Variants in PCDHGB6 observed in about 807,000 individuals in gnomAD.
The protein encoded by PCDHGB6 is protocadherin gamma-B6.
A neutral mutation model predicts 59.1 loss-of-function variants in PCDHGB6; 51 were observed. The observed-to-expected ratio is 0.86, with a 90% CI of 0.69 to 1.09. The LOEUF (loss-of-function observed/expected upper bound fraction) is 1.09. Ranked by LOEUF, PCDHGB6 falls within the 50% of genes least tolerant of loss-of-function variation. PCDHGB6 has a pLI of 0.00. For missense variants in PCDHGB6, 1,148 were observed against 1,205.1 expected (o/e 0.95, Z 0.70); for synonymous variants, 466 against 495.1 (o/e 0.94, Z 0.78).
rs754836894 is a variant in PCDHGB6 at position 141,432,969 on chromosome 5, C to G, written c.2418+22349C>G. ...GGAGGCGGCTTGACAGGAGCGCCGG[C>G]GTCGCACTTTGTGGGCGTGGACGGG... On this transcript the variant is annotated intron_variant, in intron 1 of 3. Coordinates refer to ENST00000520790, the MANE Select transcript of PCDHGB6 (RefSeq NM_018926.3). The surrounding 1 kb of genome is among the most constrained non-coding windows in gnomAD (Gnocchi z 6.0). 5.0e-6 allele frequency: 8 copies of G among 1,614,030 alleles called. No homozygotes were observed. In the Admixed American group the frequency reaches 5.0e-5, roughly 10 times the overall value.
chr5:141,414,781 G>T, intron 1 of PCDHGB6: 2 of 1,614,230 alleles, frequency 1.2e-6, no homozygotes, highest in Non-Finnish European at 1.7e-6. Flanking sequence ...ACAGATGCAG[G>T]TGACAGCCAG....
In PCDHGB6 at chr5:141,511,259, A is replaced by G; in HGVS notation, c.*86A>G. On this transcript the variant is annotated 3_prime_UTR_variant, in exon 4 of 4. Transcript: ENST00000520790. ...ACCTGCACCCAGGCCTCAGAGTTTCAGGGCTAACCCCCAGAATACTGGTAG... is the reference window on the plus strand; with the variant it reads ...ACCTGCACCCAGGCCTCAGAGTTTCGGGGCTAACCCCCAGAATACTGGTAG... 1.3e-6 allele frequency: 2 copies of G among 1,559,840 alleles called. No individual in the cohort carries two copies. The highest frequency in any genetic ancestry group is 1.7e-6 in the Non-Finnish European group (2 of 1,152,466).
In PCDHGB6 at chr5:141,432,853, C is replaced by A. The variant is rs748301578; in HGVS notation, c.2418+22233C>A. 1.1e-5 allele frequency: 17 copies of A among 1,614,176 alleles called. No homozygotes were observed. Among genetic ancestry groups the A allele is most frequent in the East Asian group, 4.5e-5 (2 of 44,874 alleles). On this transcript the variant is annotated intron_variant, in intron 1 of 3. Transcript: ENST00000520790. The surrounding 1 kb of genome is among the most constrained non-coding windows in gnomAD (Gnocchi z 6.0). ...CTCTGTACCTGGTGGTAGCGGTGGC[C>A]GCGGTCTCCTGCGTCTTCCTGGCCT...
chr5:141,471,646 G>C (rs935284198), intron 1 of PCDHGB6: 1 of 152,108 alleles, frequency 6.6e-6, no homozygotes, highest in Non-Finnish European at 1.5e-5. Flanking sequence ...GTAATATACT[G>C]GATGTGGGGA....
At chr5:141,463,176 C>T (rs989201395) in intron 1 of PCDHGB6, among the ~76,000 whole-genome samples, 2 of 152,100 alleles carry the variant, frequency 1.3e-5, no homozygotes, top group African/African-American at 4.8e-5. Context: ...TATGTATGCT[C>T]AGATTATTAT....
At chr5:141,468,924 C>G (rs1434433938) in intron 1 of PCDHGB6, among the ~76,000 whole-genome samples, 1 of 150,520 alleles carries the variant, frequency 6.6e-6, no homozygotes, top group Non-Finnish European at 1.5e-5. Context: ...GAGAATAGCA[C>G]TAAAATGGGA....
intron 1 of PCDHGB6, chr5:141,475,916 G>C (rs1396506642): frequency 1.7e-6 from 1 of 595,408 alleles, no homozygotes; most frequent in Non-Finnish European, 2.9e-6. Flanking sequence ...CAATGAAGAC[G>C]CTGGAGATCG....
At chr5:141,427,898 C>T in intron 1 of PCDHGB6, 4 of 1,570,874 alleles carry the variant, frequency 2.5e-6, no homozygotes, top group African/African-American at 1.3e-5. Flanking sequence ...AGGGCTCGCC[C>T]GCGCTCAGCG....
At chr5:141,421,601 T>C (rs1309928984) in intron 1 of PCDHGB6, 19 of 1,613,652 alleles carry the variant, frequency 1.2e-5, no homozygotes, top group Non-Finnish European at 1.6e-5. Context: ...GTGGAAATAA[T>C]AGATATTAAT....
chr5:141,418,980 A>C (rs1219866791), intron 1 of PCDHGB6: 2 of 1,614,004 alleles, frequency 1.2e-6, no homozygotes, highest in Non-Finnish European at 1.7e-6. Flanking sequence ...ACACGGGACC[A>C]AGACTCAGGG....
chr5:141,439,716 C>T (rs2098127719), intron 1 of PCDHGB6: 1 of 152,476 alleles, frequency 6.6e-6, no homozygotes, highest in Non-Finnish European at 1.5e-5. Flanking sequence ...CCTAGTTCTA[C>T]AAATTATAAG....
chr5:141,448,439 C>T (rs182359185), intron 1 of PCDHGB6, among the ~76,000 whole-genome samples: 7 of 152,232 alleles, frequency 4.6e-5, no homozygotes, highest in Admixed American at 4.6e-4. Context: ...ATTGAGAAGT[C>T]TGACTTCCAT....
At chr5:141,461,291 C>A (rs892436619) in intron 1 of PCDHGB6, among the ~76,000 whole-genome samples, 1 of 152,128 alleles carries the variant, frequency 6.6e-6, no homozygotes, top group African/African-American at 2.4e-5. Flanking sequence ...CACATCCACA[C>A]CAACATCTAT....
intron 1 of PCDHGB6, among the ~76,000 whole-genome samples, chr5:141,433,497 C>G (rs2097615154): frequency 6.6e-6 from 1 of 152,076 alleles, no homozygotes; most frequent in Non-Finnish European, 1.5e-5. Flanking sequence ...CCCTCCCAAA[C>G]TGCTGGGATT....
chr5:141,507,915 G>A (rs1324577269), intron 3 of PCDHGB6, among the ~76,000 whole-genome samples: 2 of 152,224 alleles, frequency 1.3e-5, no homozygotes, highest in African/African-American at 4.8e-5. Flanking sequence ...AGCCAGGCCT[G>A]TGGGGCTGCT....
chr5:141,474,407 G>A (rs1431210575), intron 1 of PCDHGB6, among the ~76,000 whole-genome samples: 2 of 152,230 alleles, frequency 1.3e-5, no homozygotes, highest in East Asian at 1.9e-4. Flanking sequence ...GCTCCCCGGT[G>A]ATGCCTAGAC....
chr5:141,432,766 C>G lies in PCDHGB6; in HGVS notation c.2418+22146C>G. On this transcript the variant is annotated intron_variant, in intron 1 of 3. Transcript: ENST00000520790. This position sits in a 1 kb window ranked among gnomAD's most constrained non-coding sequence, Gnocchi z 6.0. Reference sequence around the variant, plus strand: ...CCGTGGCCGTGGCCGACAGCATCCCCCAAGTCCTGGCGGACCTCGGCAGCC... The same window carrying G: ...CCGTGGCCGTGGCCGACAGCATCCCGCAAGTCCTGGCGGACCTCGGCAGCC... 6.2e-7 allele frequency: 1 copy of G among 1,614,160 alleles called. No individual in the cohort carries two copies. The highest frequency in any genetic ancestry group is 8.5e-7 in the Non-Finnish European group (1 of 1,179,994).
chr5:141,495,545 A>G (rs1174346915), intron 2 of PCDHGB6, among the ~76,000 whole-genome samples: 3 of 151,824 alleles, frequency 2.0e-5, no homozygotes, highest in Non-Finnish European at 4.4e-5. Flanking sequence ...CTCAGTCTCT[A>G]TCTCGCTTTG....
At chr5:141,420,530 A>G (rs1038635436) in intron 1 of PCDHGB6, 9 of 336,858 alleles carry the variant, frequency 2.7e-5, no homozygotes, top group African/African-American at 6.4e-5. Flanking sequence ...CCTTTCGGTT[A>G]AAAATATAAA....
Sources: allele counts gnomAD v4.1 joint callset (sites outside exome capture counted in the v4.1 genomes callset), GRCh38; gene constraint gnomAD v4.1.1; non-coding constraint Gnocchi (gnomAD v3.1); transcripts MANE v1.5; gene names NCBI Gene and HGNC (gene_info 2026-07-23, HGNC 2026-07-21).